The following SLIT3 variants were observed in gnomAD, a reference collection of about 807,000 sequenced individuals.
SLIT3 encodes the protein slit guidance ligand 3.
A neutral mutation model predicts 184.0 loss-of-function variants in SLIT3; 68 were observed. The observed-to-expected ratio is 0.37, with a 90% confidence interval of 0.30 to 0.45. The LOEUF (loss-of-function observed/expected upper bound fraction) is 0.45, where lower values mean the gene tolerates loss of function less well. Ranked by LOEUF, SLIT3 falls within the 20% of genes least tolerant of loss-of-function variation. The probability of loss-of-function intolerance (pLI) is 1.00; values close to 1 mark genes in which losing one functional copy is unlikely to be tolerated. For synonymous variants in SLIT3, 831 were observed against 828.6 expected, an observed-to-expected ratio of 1.00 and a Z score of -0.05; for missense variants, 1,707 against 2,026.0, an observed-to-expected ratio of 0.84 and a Z score of 3.02.
In SLIT3 at chr5:169,097,120, A is replaced by C. The variant is rs189228401; in HGVS notation, c.413+96359T>G. Reference sequence around the variant, plus strand: ...TGCCACCCATGAACCTCGGGTTAAGATTCCTTGTTAGGACCCATGAGGCTG... The same window carrying C: ...TGCCACCCATGAACCTCGGGTTAAGCTTCCTTGTTAGGACCCATGAGGCTG... On this transcript the variant is annotated intron_variant, in intron 4 of 35. Coordinates refer to ENST00000519560, the MANE Select transcript of SLIT3 (RefSeq NM_003062.4). 2.8e-4 allele frequency among the ~76,000 whole-genome samples: 43 copies of C among 152,308 alleles called. No homozygotes were observed. The East Asian group carries it at 8.1e-3, about 29-fold the overall frequency.
At chr5:168,861,472 A>T (rs184036925) in intron 5 of SLIT3, among the ~76,000 whole-genome samples, 116 of 146,916 alleles carry the variant, frequency 7.9e-4, no homozygotes, top group African/African-American at 2.9e-3. Flanking sequence ...CAGTAGAGGA[A>T]TTGCATGCTA....
At chr5:168,849,335 G>A (rs901635302) in intron 5 of SLIT3, among the ~76,000 whole-genome samples, 5 of 152,226 alleles carry the variant, frequency 3.3e-5, no homozygotes, top group African/African-American at 1.2e-4. Context: ...TCCAGCAGCA[G>A]CGTTCTGCTC....
chr5:169,056,795 C>A (rs2113080483), intron 4 of SLIT3, among the ~76,000 whole-genome samples: 1 of 152,268 alleles, frequency 6.6e-6, no homozygotes, highest in Non-Finnish European at 1.5e-5. Flanking sequence ...TTCACAGTCC[C>A]ATGGAGGAAA....
At chr5:168,708,324 A>C (rs1429791164) in intron 25 of SLIT3, 1 of 600,098 alleles carries the variant, frequency 1.7e-6, no homozygotes, top group Non-Finnish European at 3.0e-6. Flanking sequence ...CATCATTCAG[A>C]AACACTTCTG....
chr5:168,850,203 T>C (rs1758620988), intron 5 of SLIT3, among the ~76,000 whole-genome samples: 1 of 152,232 alleles, frequency 6.6e-6, no homozygotes, highest in Non-Finnish European at 1.5e-5. Flanking sequence ...AGCCACAATC[T>C]GCTAATGAAT....
At chr5:169,081,126 G>T (rs1759024940) in intron 4 of SLIT3, among the ~76,000 whole-genome samples, 1 of 152,200 alleles carries the variant, frequency 6.6e-6, no homozygotes, top group African/African-American at 2.4e-5. Context: ...ATCACGAAAG[G>T]CCTGGGTCAG....
intron 1 of SLIT3, among the ~76,000 whole-genome samples, chr5:169,260,842 G>A (rs377057239): frequency 2.6e-5 from 4 of 152,304 alleles, no homozygotes; most frequent in Admixed American, 2.0e-4. Flanking sequence ...GAAACTCAGA[G>A]TTTAGAGAGG....
At chr5:168,898,820 C>A (rs1760773880) in intron 4 of SLIT3, among the ~76,000 whole-genome samples, 1 of 152,162 alleles carries the variant, frequency 6.6e-6, no homozygotes, top group Admixed American at 6.5e-5. Context: ...CCTGCAAACG[C>A]CCTCACTTTC....
chr5:168,924,767 C>G (rs1761759313), intron 4 of SLIT3, among the ~76,000 whole-genome samples: 1 of 152,194 alleles, frequency 6.6e-6, no homozygotes, highest in Admixed American at 6.5e-5. Flanking sequence ...CTCGCTTTGG[C>G]ATCTCAAAGT....
chr5:168,770,698 C>T (rs1755518641), intron 14 of SLIT3, among the ~76,000 whole-genome samples: 1 of 152,052 alleles, frequency 6.6e-6, no homozygotes, highest in African/African-American at 2.4e-5. Context: ...AATCCAAGAA[C>T]CTGGCTCCTT....
chr5:168,855,076 G>T (rs1758814531), intron 5 of SLIT3, among the ~76,000 whole-genome samples: 1 of 152,150 alleles, frequency 6.6e-6, no homozygotes, highest in Admixed American at 6.5e-5. Flanking sequence ...CAGGAGAGCG[G>T]GTACAGTCTC....
At chr5:169,174,804 G>A (rs1182979576) in intron 4 of SLIT3, among the ~76,000 whole-genome samples, 1 of 151,942 alleles carries the variant, frequency 6.6e-6, no homozygotes, top group Non-Finnish European at 1.5e-5. Context: ...GTCCTCACCT[G>A]TCCCACCTGC....
At chr5:168,723,063 A>G (rs1762994692) in intron 21 of SLIT3, 59 bp from the exon 22 acceptor site, 1 of 1,222,800 alleles carries the variant, frequency 8.2e-7, no homozygotes, top group Non-Finnish European at 1.2e-6. Context: ...GTAGGAGGCC[A>G]TTCCCAAGTA....
At chr5:168,911,082 C>G (rs374596603) in intron 4 of SLIT3, among the ~76,000 whole-genome samples, 1 of 152,132 alleles carries the variant, frequency 6.6e-6, no homozygotes, top group East Asian at 1.9e-4. Context: ...ATGGGTTTGA[C>G]GAATGCCAGC....
chr5:169,058,742 CTG>C (rs1455175381), intron 4 of SLIT3, among the ~76,000 whole-genome samples: 1 of 152,198 alleles, frequency 6.6e-6, no homozygotes, highest in Non-Finnish European at 1.5e-5. Context: ...GTTTCCTACT[CTG>C]GATATACCAC....
chr5:168,950,059 A>ACCCCG (rs1226373402), intron 4 of SLIT3, among the ~76,000 whole-genome samples: 1 of 108,354 alleles, frequency 9.2e-6, no homozygotes, highest in African/African-American at 3.5e-5. Context: ...TTCCCACCCC[A>ACCCCG]CCCCGCCCAA....
intron 3 of SLIT3, among the ~76,000 whole-genome samples, chr5:169,203,526 A>G (rs567286252): frequency 6.6e-6 from 1 of 152,302 alleles, no homozygotes; most frequent in East Asian, 1.9e-4. Flanking sequence ...ACATCTCACA[A>G]TGCGGCCAAG....
At chr5:169,223,203 T>C (rs1764676262) in intron 3 of SLIT3, among the ~76,000 whole-genome samples, 1 of 152,064 alleles carries the variant, frequency 6.6e-6, no homozygotes, top group Non-Finnish European at 1.5e-5. Context: ...GGATGAGAAA[T>C]ACCTCTGTAA....
rs539148321 is a variant in SLIT3 at position 168,725,714 on chromosome 5, T to G, written c.2271-1230A>C. Among the ~76,000 whole-genome samples the G allele has an allele frequency of 7.9e-4, 121 of 152,358 alleles. 1 individual carries two copies. Among genetic ancestry groups the G allele is most frequent in the African/African-American group, 2.8e-3 (116 of 41,592 alleles). The stretch of plus-strand genomic sequence containing the variant: ...GGTAAGGTTGGAGAATCTGCATTTC[T>G]AATGAGCTCCTGGGTGATGGTGGTG... On this transcript the variant is annotated intron_variant, in intron 20 of 35. Coordinates refer to ENST00000519560, the MANE Select transcript of SLIT3 (RefSeq NM_003062.4).
Sources: allele counts gnomAD v4.1 joint callset (sites outside exome capture counted in the v4.1 genomes callset), GRCh38; gene constraint gnomAD v4.1.1; transcripts MANE v1.5; gene names NCBI Gene and HGNC (gene_info 2026-07-23, HGNC 2026-07-21).